CD96: variants seen among roughly 807,000 people sequenced by gnomAD.
The protein encoded by CD96 is CD96 molecule.
CD96 carries 70 observed loss-of-function variants against 71.3 expected under a neutral mutation model. That is an observed-to-expected ratio of 0.98 (90% CI 0.81 to 1.20). The LOEUF (loss-of-function observed/expected upper bound fraction) is 1.20. Among genes scored for constraint, CD96 ranks in the 50% most tolerant of loss-of-function variants. The probability of loss-of-function intolerance (pLI) is 0.00; values close to 1 mark genes in which losing one functional copy is unlikely to be tolerated. For missense variants in CD96, 742 were observed against 677.5 expected, an observed-to-expected ratio of 1.10 and a Z score of -1.06; for synonymous variants, 248 against 233.0, an observed-to-expected ratio of 1.06 and a Z score of -0.59.
Position 111,544,434 on chromosome 3 carries a change from C to T in CD96, c.62-612C>T, listed in dbSNP as rs2088467. Among the ~76,000 whole-genome samples, 448 of 151,844 alleles carry T rather than the reference C, an allele frequency of 3.0e-3. 2 individuals are homozygous for T. The highest frequency in any genetic ancestry group is 0.01 in the African/African-American group (421 of 41,384). ...CTGGGATTACAGGCGTGAGCCACTG[C>T]GCCAGGCCTGGAGGTGTGACTTTGA... On this transcript the variant is annotated intron_variant, in intron 1 of 13. Coordinates refer to ENST00000352690, the MANE Select transcript of CD96 (RefSeq NM_005816.5).
chr3:111,583,154 G>A (rs1936546858), intron 4 of CD96, among the ~76,000 whole-genome samples: 1 of 152,132 alleles, frequency 6.6e-6, no homozygotes, highest in South Asian at 2.1e-4. Flanking sequence ...AAAACAAAGG[G>A]GCTGCAGGCC....
At chr3:111,579,481 C>T in intron 4 of CD96, 1 of 554,888 alleles carries the variant, frequency 1.8e-6, no homozygotes, top group Admixed American at 2.8e-5. Context: ...GGTCAGTTTT[C>T]TGTTGCTTAC....
intron 8 of CD96, chr3:111,612,699 C>T (rs1036584359): frequency 6.2e-6 from 1 of 162,212 alleles, no homozygotes; most frequent in Non-Finnish European, 1.3e-5. Context: ...TCAAAGAGTA[C>T]ATGGTTGGTG....
intron 3 of CD96, among the ~76,000 whole-genome samples, chr3:111,573,331 A>G (rs1414718949): frequency 6.6e-6 from 1 of 152,220 alleles, no homozygotes; most frequent in Non-Finnish European, 1.5e-5. Context: ...TAAGTCCTGC[A>G]GGGATACAAA....
At chr3:111,628,170 A>C (rs1306547559) in intron 10 of CD96, among the ~76,000 whole-genome samples, 2 of 152,250 alleles carry the variant, frequency 1.3e-5, no homozygotes, top group Non-Finnish European at 2.9e-5. Flanking sequence ...ATCTGGGCTA[A>C]GGCTGAGATC....
chr3:111,618,294 G>A (rs1938345507), intron 8 of CD96, among the ~76,000 whole-genome samples: 2 of 152,336 alleles, frequency 1.3e-5, no homozygotes, highest in South Asian at 4.1e-4. Context: ...AGAATTTCTG[G>A]CTGGCAAAGC....
chr3:111,665,587 G>C (rs1445845930), exon 15 of CD96: 1 of 152,090 alleles, frequency 6.6e-6, no homozygotes, highest in Non-Finnish European at 1.5e-5. Flanking sequence ...GATAATTGGA[G>C]CCCTTTGATT....
At chr3:111,561,024 T>A (rs1234412419) in intron 2 of CD96, among the ~76,000 whole-genome samples, 3 of 141,714 alleles carry the variant, frequency 2.1e-5, no homozygotes, top group African/African-American at 8.8e-5. Flanking sequence ...TTCTGCATTC[T>A]TCACATAGTT....
chr3:111,577,720 C>T (rs1450642014), intron 3 of CD96, among the ~76,000 whole-genome samples: 1 of 152,136 alleles, frequency 6.6e-6, no homozygotes, highest in Non-Finnish European at 1.5e-5. Flanking sequence ...TCTATTTAAA[C>T]TATTTAAGAA....
At chr3:111,554,197 T>C (rs1381503901) in intron 2 of CD96, among the ~76,000 whole-genome samples, 1 of 152,092 alleles carries the variant, frequency 6.6e-6, no homozygotes, top group Non-Finnish European at 1.5e-5. Context: ...CTATATTTTC[T>C]ACTTTTTTTC....
rs192218871 is a variant in CD96 at position 111,606,231 on chromosome 3, C to T, written c.1088-469C>T. Among the ~76,000 whole-genome samples, 9 of 152,240 alleles carry T rather than the reference C, an allele frequency of 5.9e-5. No homozygotes were observed. The East Asian group carries it at 1.7e-3, about 29-fold the overall frequency. Reference sequence around the variant, plus strand: ...ATCACACATTTACTAATGTTACATCCAATTGGGTAGTTGTATCATTGTTTC... The same window carrying T: ...ATCACACATTTACTAATGTTACATCTAATTGGGTAGTTGTATCATTGTTTC... On this transcript the variant is annotated intron_variant, in intron 7 of 13. Transcript: ENST00000352690.
At chr3:111,602,466 T>A (rs912679902) in intron 7 of CD96, among the ~76,000 whole-genome samples, 1 of 152,104 alleles carries the variant, frequency 6.6e-6, no homozygotes, top group Non-Finnish European at 1.5e-5. Context: ...GCCAAATGAG[T>A]CTTTATCCTT....
At chr3:111,588,725 C>T (rs1936830045) in intron 5 of CD96, among the ~76,000 whole-genome samples, 1 of 152,146 alleles carries the variant, frequency 6.6e-6, no homozygotes, top group African/African-American at 2.4e-5. Flanking sequence ...GACCTGCCCC[C>T]ATGATTCAGT....
intron 1 of CD96, 99 bp downstream of exon 1, chr3:111,542,408 A>ATCACCACTGCTGAAATTGG: frequency 1.2e-6 from 1 of 830,352 alleles, no homozygotes; most frequent in Non-Finnish European, 2.1e-6. Context: ...GCTGAAATTG[A>ATCACCACTGCTGAAATTGG]TCACCAAAGG....
intron 4 of CD96, among the ~76,000 whole-genome samples, chr3:111,579,876 G>C (rs1022587091): frequency 2.6e-5 from 4 of 152,102 alleles, no homozygotes; most frequent in Non-Finnish European, 5.9e-5. Flanking sequence ...ATTTTGGAGT[G>C]GACATTCAAA....
intron 11 of CD96, 117 bp downstream of exon 11, chr3:111,637,378 T>C: frequency 1.4e-6 from 1 of 723,100 alleles, no homozygotes. Context: ...TAAAAGTACA[T>C]CTTGATGATG....
At chr3:111,549,274 G>A (rs1433747774) in intron 2 of CD96, among the ~76,000 whole-genome samples, 1 of 151,962 alleles carries the variant, frequency 6.6e-6, no homozygotes, top group Non-Finnish European at 1.5e-5. Flanking sequence ...AAGGTTCTAT[G>A]GGGGAAGGAA....
intron 8 of CD96, among the ~76,000 whole-genome samples, chr3:111,610,440 C>A (rs1277803977): frequency 6.6e-6 from 1 of 152,182 alleles, no homozygotes; most frequent in African/African-American, 2.4e-5. Flanking sequence ...ATGTAATGAG[C>A]TTTATAATCC....
chr3:111,592,879 A>G (rs1937058179), intron 5 of CD96: 1 of 152,232 alleles, frequency 6.6e-6, no homozygotes, highest in South Asian at 2.1e-4. Flanking sequence ...GTTGTTAAAA[A>G]GACACACCGG....
Sources: gnomAD v4.1 joint callset for allele counts (sites outside exome capture counted in the v4.1 genomes callset) on GRCh38, gnomAD v4.1.1 for gene constraint, MANE v1.5 for transcripts, NCBI Gene and HGNC (gene_info 2026-07-23, HGNC 2026-07-21) for gene names.